Variants in ZFY observed in about 807,000 individuals in gnomAD.
ZFY encodes the protein zinc finger Y-chromosomal protein.
For synonymous variants in ZFY, 47 were observed against 55.8 expected (o/e 0.84, Z 0.71); for missense variants, 113 against 170.9 (o/e 0.66, Z 1.89).
intron 1 of ZFY, among the ~76,000 whole-genome samples, chrY:2,949,700 A>G: frequency 1.7e-4 from 3 of 17,294 alleles, no homozygotes; most frequent in African/African-American, 7.3e-4. Context: ...AAAAAAAAAG[A>G]TTACCCAGGC....
chrY:2,943,036 C>G lies in ZFY; in HGVS notation c.-29+7267C>G, dbSNP rs2051250332. Among the ~76,000 whole-genome samples the G allele has an allele frequency of 3.6e-4, 12 of 33,576 alleles. No homozygotes were observed. The South Asian group carries it at 7.8e-3, about 22-fold the overall frequency. The allele number at this position is 33,576 out of a possible 37,273, so 90.1% of individuals were successfully genotyped here. ...AGAAATCCTATTGACTTTCAGCAAC[C>G]TTGCTGAAAATTCCGTGATCATATT... On this transcript the variant is annotated intron_variant, in intron 1 of 7. Transcript: ENST00000155093.
chrY:2,972,718 A>C (rs2051352239), intron 3 of ZFY, among the ~76,000 whole-genome samples: 1 of 33,894 alleles, frequency 3.0e-5, no homozygotes, highest in Admixed American at 2.7e-4. Context: ...TTTCTTACAA[A>C]AAATTATTAT....
chrY:2,977,979 C>T lies in ZFY; in HGVS notation c.1121C>T (p.Ala374Val). 1 of 396,876 alleles carries T rather than the reference C, an allele frequency of 2.5e-6. No homozygotes were observed. The highest frequency in any genetic ancestry group is 3.0e-5 in the South Asian group (1 of 33,509). Residue 374 changes from alanine to valine, a missense_variant, in exon 7 of 8, where the codon GCA becomes GTA. By Grantham distance (64) the Ala-to-Val change is moderately conservative. Coordinates refer to ENST00000155093, the MANE Select transcript of ZFY (RefSeq NM_003411.4). The part of the protein sequence containing the change: ...SDGIENRNGT[A>V]SALLHIDESA... The stretch of plus-strand genomic sequence containing the variant: ...GGAATTGAAAACCGGAATGGCACTG[C>T]AAGTGCCCTCTTGCACATAGATGAG...
Position 2,981,862 on chromosome Y carries a change from C to G in ZFY, c.*1869C>G. On this transcript the variant is annotated 3_prime_UTR_variant, in exon 8 of 8. Coordinates refer to ENST00000155093, the MANE Select transcript of ZFY (RefSeq NM_003411.4). ...CCTGATTTTTACTGTCCTTCATGATCCTGTTCTTGAAAACTTCAGTTTGTA... is the reference window on the plus strand; with the variant it reads ...CCTGATTTTTACTGTCCTTCATGATGCTGTTCTTGAAAACTTCAGTTTGTA... 3.0e-5 allele frequency: 1 copy of G among 33,160 alleles called. No individual in the cohort carries two copies. Among genetic ancestry groups the G allele is most frequent in the African/African-American group, 1.2e-4 (1 of 8,572 alleles). 8.3% of individuals were successfully genotyped at this position (33,160 alleles called of 400,897 possible).
intron 3 of ZFY, 87 bp downstream of exon 3, chrY:2,961,733 A>G: frequency 4.0e-6 from 1 of 247,572 alleles, no homozygotes. Flanking sequence ...TATTGAGTTT[A>G]ACTTCTGTAA....
chrY:2,964,004 T>C, intron 3 of ZFY, among the ~76,000 whole-genome samples: 2 of 33,051 alleles, frequency 6.1e-5, no homozygotes. Context: ...AGGGATGATT[T>C]CTGAAAAGTG....
In ZFY at chrY:2,980,202, A is replaced by G; in HGVS notation, c.*209A>G. ...TTAATAGATGAGGAAAAATAGCAAC[A>G]AGCAAGTTGCTTATAATAAAATAAT... is the stretch of plus-strand genomic sequence containing the variant. On this transcript the variant is annotated 3_prime_UTR_variant, in exon 8 of 8. Coordinates refer to ENST00000155093, the MANE Select transcript of ZFY (RefSeq NM_003411.4). 7.1e-6 allele frequency: 1 copy of G among 139,990 alleles called. No individual in the cohort carries two copies. Among genetic ancestry groups the G allele is most frequent in the South Asian group, 5.8e-5 (1 of 17,170 alleles). 34.9% of individuals were successfully genotyped at this position (139,990 alleles called of 400,897 possible).
chrY:2,982,438 ATGTGT>A lies in ZFY; in HGVS notation c.*2446_*2450del. On this transcript the variant is annotated 3_prime_UTR_variant, in exon 8 of 8. Coordinates refer to ENST00000155093, the MANE Select transcript of ZFY (RefSeq NM_003411.4). ...TATAGGAAGTGTGATACTATTGTAA[ATGTGT>A]ATTTGAGAATATGCAAAAATAAAAA... is the stretch of plus-strand genomic sequence containing the variant. 1 of 33,959 alleles carries A rather than the reference ATGTGT, an allele frequency of 2.9e-5. No homozygotes were observed. The highest frequency in any genetic ancestry group is 7.4e-4 in the East Asian group (1 of 1,346). The allele number at this position is 33,959 out of a possible 400,897, so 8.5% of individuals were successfully genotyped here. A position where few individuals can be genotyped will look rare whatever the true frequency, so the allele number is the denominator to read the frequency against.
At chrY:2,939,141 TATTACTTC>T (rs2051233184) in intron 1 of ZFY, among the ~76,000 whole-genome samples, 1 of 29,255 alleles carries the variant, frequency 3.4e-5, no homozygotes, top group Non-Finnish European at 8.1e-5. Flanking sequence ...AACCCCTGCA[TATTACTTC>T]ATTACTTAAT....
chrY:2,958,365 TAGTTCCTAGGGCC>T (rs2051299871), intron 2 of ZFY, among the ~76,000 whole-genome samples: 1 of 33,481 alleles, frequency 3.0e-5, no homozygotes, highest in African/African-American at 1.2e-4. Flanking sequence ...TTCTTCATGC[TAGTTCCTAGGGCC>T]ATATAGGCCC....
At chrY:2,956,279 G>C in intron 2 of ZFY, among the ~76,000 whole-genome samples, 1 of 32,653 alleles carries the variant, frequency 3.1e-5, no homozygotes, top group Non-Finnish European at 7.5e-5. Context: ...CCTGGGAGTA[G>C]TGGGGTTCGG....
rs768785567 is a variant in ZFY, at chrY:2,979,333, A to G, written c.1746A>G (p.Ala582=). 2.8e-5 allele frequency: 11 copies of G among 396,874 alleles called. No homozygotes were observed. In the African/African-American group the frequency reaches 6.4e-4, roughly 23 times the overall value. ...GCCAGTACTGTGAATATAGGTCTGC[A>G]GACTCTTCTAACTTGAAAACACATA... ...YQCQYCEYRS[A]DSSNLKTHIK... Residue 582 remains alanine (A), a synonymous_variant, in exon 8 of 8, where the codon GCA becomes GCG. Transcript: ENST00000155093.
chrY:2,935,541 C>G lies in ZFY; in HGVS notation c.-257C>G. Reference sequence around the variant, plus strand: ...GCGTCCCGTAGGGCGCCCTCCCGCGCTAGGCCGGCCGGCGTGGCGCTCGGC... The same window carrying G: ...GCGTCCCGTAGGGCGCCCTCCCGCGGTAGGCCGGCCGGCGTGGCGCTCGGC... On this transcript the variant is annotated 5_prime_UTR_variant, in exon 1 of 8. Coordinates refer to ENST00000155093, the MANE Select transcript of ZFY (RefSeq NM_003411.4). 1 of 35,271 alleles carries G rather than the reference C, an allele frequency of 2.8e-5. No homozygotes were observed. Among genetic ancestry groups the G allele is most frequent in the Non-Finnish European group, 7.2e-5 (1 of 13,849 alleles). 8.8% of individuals were successfully genotyped at this position (35,271 alleles called of 400,897 possible).
chrY:2,944,897 G>A, intron 1 of ZFY, among the ~76,000 whole-genome samples: 1 of 30,170 alleles, frequency 3.3e-5, no homozygotes, highest in Non-Finnish European at 7.9e-5. Context: ...ACAGGCATGG[G>A]CCACAATGCC....
intron 2 of ZFY, among the ~76,000 whole-genome samples, chrY:2,958,311 G>GC (rs2051299581): frequency 3.0e-5 from 1 of 33,216 alleles, no homozygotes; most frequent in Non-Finnish European, 7.5e-5. Context: ...GTGGGGTGTA[G>GC]ATTGTCTGGG....
At chrY:2,940,130 A>G in intron 1 of ZFY, among the ~76,000 whole-genome samples, 1 of 33,620 alleles carries the variant, frequency 3.0e-5, no homozygotes, top group South Asian at 6.6e-4. Context: ...GTTAAGGCAT[A>G]CAGTGTTCAT....
chrY:2,977,780 CAAAAAA>C, intron 6 of ZFY, 154 bp from the exon 7 acceptor site: 2 of 11,577 alleles, frequency 1.7e-4, no homozygotes, highest in Non-Finnish European at 2.5e-4. Context: ...GACTCTGTCT[CAAAAAA>C]AAAAAAAAAA....
chrY:2,956,685 A>AC (rs1569465669), intron 2 of ZFY, among the ~76,000 whole-genome samples: 71 of 5,049 alleles, frequency 0.014, no homozygotes, highest in East Asian at 0.07. Flanking sequence ...TTTCACCCCC[A>AC]CCCCCCCCCC....
At chrY:2,952,042 C>T (rs2124504057) in intron 1 of ZFY, among the ~76,000 whole-genome samples, 1 of 31,564 alleles carries the variant, frequency 3.2e-5, no homozygotes, top group South Asian at 7.4e-4. Context: ...CCTCAGCCTT[C>T]CGAGTAGCTG....
Sources: gnomAD v4.1 joint callset for allele counts (sites outside exome capture counted in the v4.1 genomes callset) on GRCh38, gnomAD v4.1.1 for gene constraint, MANE v1.5 for transcripts, NCBI Gene and HGNC (gene_info 2026-07-23, HGNC 2026-07-21) for gene names.